CDK19: variants seen among roughly 807,000 people sequenced by gnomAD.
CDK19 encodes cyclin-dependent kinase 19.
In CDK19, 20 loss-of-function variants were observed where a neutral mutation model predicts 68.3. That is an observed-to-expected ratio of 0.29 (90% CI 0.21 to 0.43). The LOEUF (loss-of-function observed/expected upper bound fraction) is 0.43, where lower values mean the gene tolerates loss of function less well. Among genes scored for constraint, CDK19 ranks in the 20% least tolerant of loss-of-function variants. The probability of loss-of-function intolerance (pLI) is 1.00; values close to 1 mark genes in which losing one functional copy is unlikely to be tolerated. For synonymous variants in CDK19, 221 were observed against 222.8 expected (o/e 0.99, Z 0.07); for missense variants, 339 against 623.5 (o/e 0.54, Z 4.86).
chr6:110,809,387 C>G (rs543232005), intron 1 of CDK19, among the ~76,000 whole-genome samples: 18 of 152,042 alleles, frequency 1.2e-4, no homozygotes, highest in Admixed American at 8.5e-4. Context: ...TTAGCCAGCA[C>G]GTGCATCTGT....
intron 2 of CDK19, among the ~76,000 whole-genome samples, chr6:110,695,901 C>T (rs937408202): frequency 1.3e-5 from 2 of 151,856 alleles, no homozygotes; most frequent in African/African-American, 4.8e-5. Context: ...GGATTCACAG[C>T]TGAATTCTAT....
intron 2 of CDK19, among the ~76,000 whole-genome samples, chr6:110,743,020 T>C (rs1412972251): frequency 6.6e-6 from 1 of 152,132 alleles, no homozygotes; most frequent in East Asian, 1.9e-4. Context: ...ATATGTGATG[T>C]TACCCCCGGA....
At chr6:110,666,225 C>A (rs1316540607) in intron 4 of CDK19, among the ~76,000 whole-genome samples, 1 of 147,260 alleles carries the variant, frequency 6.8e-6, no homozygotes, top group Non-Finnish European at 1.5e-5. Context: ...ACCAGCCTGG[C>A]CAAGATGGTG....
At chr6:110,746,969 C>A (rs549595873) in intron 1 of CDK19, among the ~76,000 whole-genome samples, 2 of 152,284 alleles carry the variant, frequency 1.3e-5, no homozygotes, top group East Asian at 3.9e-4. Flanking sequence ...AGTAAGCATT[C>A]TCAAGGGTGC....
chr6:110,814,450 G>C, intron 1 of CDK19: 1 of 361,630 alleles, frequency 2.8e-6, no homozygotes, highest in South Asian at 2.0e-5. Context: ...CAACGGGCCG[G>C]CCAGCCCGAA....
intron 2 of CDK19, among the ~76,000 whole-genome samples, chr6:110,715,920 C>T (rs370068065): frequency 6.6e-6 from 1 of 152,118 alleles, no homozygotes. Flanking sequence ...TTTATAAGCA[C>T]CCTAAAATAG....
rs538743571 is a variant in CDK19 at position 110,730,536 on chromosome 6, G to A, written c.204+15590C>T. Among the ~76,000 whole-genome samples the A allele has an allele frequency of 3.8e-4, 58 of 152,306 alleles. 1 individual carries two copies. In the South Asian group the frequency reaches 6.2e-3, roughly 16 times the overall value. ...TGTCCCATAACATGTAGATAGTTAC[G>A]ATGTAGGGGAGAAGTAATCACTTTG... is the stretch of plus-strand genomic sequence containing the variant. On this transcript the variant is annotated intron_variant, in intron 2 of 12. Coordinates refer to ENST00000368911, the MANE Select transcript of CDK19 (RefSeq NM_015076.5).
chr6:110,679,309 C>T (rs1447749895), intron 2 of CDK19, among the ~76,000 whole-genome samples: 2 of 150,044 alleles, frequency 1.3e-5, no homozygotes, highest in African/African-American at 5.0e-5. Flanking sequence ...GAGTGAGACC[C>T]TGTCTCTAAA....
chr6:110,655,645 A>G (rs1781266728), intron 4 of CDK19, among the ~76,000 whole-genome samples: 1 of 152,124 alleles, frequency 6.6e-6, no homozygotes, highest in Non-Finnish European at 1.5e-5. Flanking sequence ...ACCAATCCTC[A>G]GATCTGACTA....
intron 2 of CDK19, among the ~76,000 whole-genome samples, chr6:110,715,088 G>A (rs1775270760): frequency 6.6e-6 from 1 of 151,928 alleles, no homozygotes; most frequent in Admixed American, 6.6e-5. Context: ...TCTTTTTTGT[G>A]AATATTCATT....
Position 110,658,711 on chromosome 6 carries a change from T to C in CDK19, c.456+8723A>G, listed in dbSNP as rs573985055. 4.5e-4 allele frequency among the ~76,000 whole-genome samples: 69 copies of C among 152,352 alleles called. 1 individual carries two copies. Among genetic ancestry groups the C allele is most frequent in the Admixed American group, 2.6e-4 (4 of 15,308 alleles). On this transcript the variant is annotated intron_variant, in intron 4 of 12. Transcript: ENST00000368911. ...CAGGATAAAACACAGCCTACTTTTT[T>C]TGTTTTAACACCAGGAGGCATATTT...
At chr6:110,772,130 C>A (rs531995920) in intron 1 of CDK19, among the ~76,000 whole-genome samples, 1 of 152,120 alleles carries the variant, frequency 6.6e-6, no homozygotes, top group African/African-American at 2.4e-5. Context: ...TACCAACTTA[C>A]TATATTAGTC....
Position 110,728,302 on chromosome 6 carries a change from A to AAG in CDK19, c.204+17822_204+17823dup, listed in dbSNP as rs1554213238. On this transcript the variant is annotated intron_variant, in intron 2 of 12. Coordinates refer to ENST00000368911, the MANE Select transcript of CDK19 (RefSeq NM_015076.5). ...GACTCCATCTCAAAAAAAAAAAAAA[A>AAG]AGAGAGAGAGAGAAAGAGCACATGC... Among the ~76,000 whole-genome samples, 84 of 150,520 alleles carry AAG rather than the reference A, an allele frequency of 5.6e-4. 1 individual carries two copies. The highest frequency in any genetic ancestry group is 1.9e-3 in the African/African-American group (77 of 40,700).
chr6:110,724,079 C>T (rs1776147611), intron 2 of CDK19, among the ~76,000 whole-genome samples: 1 of 151,748 alleles, frequency 6.6e-6, no homozygotes, highest in African/African-American at 2.4e-5. Context: ...TAGGGCCAGG[C>T]ACAGTGGCCC....
intron 4 of CDK19, among the ~76,000 whole-genome samples, chr6:110,663,483 A>G (rs1781737144): frequency 6.6e-6 from 1 of 152,198 alleles, no homozygotes; most frequent in South Asian, 2.1e-4. Context: ...AGATTAGTGA[A>G]TCAAGAATTG....
At chr6:110,741,837 G>T (rs931177438) in intron 2 of CDK19, among the ~76,000 whole-genome samples, 27 of 152,080 alleles carry the variant, frequency 1.8e-4, no homozygotes, top group African/African-American at 6.5e-4. Context: ...AAGAAGAGCT[G>T]GGTAAGACAG....
intron 2 of CDK19, among the ~76,000 whole-genome samples, chr6:110,675,384 T>G (rs959652927): frequency 6.6e-6 from 1 of 152,102 alleles, no homozygotes; most frequent in Non-Finnish European, 1.5e-5. Context: ...TCCCAGCACT[T>G]TGAGAGGCCG....
At chr6:110,628,307 A>T (rs1779220038) in intron 6 of CDK19, among the ~76,000 whole-genome samples, 1 of 152,270 alleles carries the variant, frequency 6.6e-6, no homozygotes, top group Non-Finnish European at 1.5e-5. Flanking sequence ...AAGCTAAACA[A>T]GGAAAAAGGT....
At chr6:110,746,038 TTATA>T in intron 2 of CDK19, 84 bp downstream of exon 2, 1 of 579,642 alleles carries the variant, frequency 1.7e-6, no homozygotes, top group Non-Finnish European at 2.9e-6. Flanking sequence ...TAAACATTCA[TTATA>T]TATATTAATG....
Sources: gnomAD v4.1 joint callset for allele counts (sites outside exome capture counted in the v4.1 genomes callset) on GRCh38, gnomAD v4.1.1 for gene constraint, MANE v1.5 for transcripts, NCBI Gene and HGNC (gene_info 2026-07-23, HGNC 2026-07-21) for gene names.